CSNK1A1: variants seen among roughly 807,000 people sequenced by gnomAD.
CSNK1A1 encodes casein kinase I isoform alpha.
Under a neutral mutation model 46.1 loss-of-function variants are expected in CSNK1A1, and 7 were observed. That is an observed-to-expected ratio of 0.15 (90% confidence interval 0.09 to 0.29). CSNK1A1 has a LOEUF of 0.29. Ranked by LOEUF, CSNK1A1 falls within the 10% of genes least tolerant of loss-of-function variation. The pLI, the probability that CSNK1A1 is intolerant of heterozygous loss-of-function variation, is 1.00. For synonymous variants in CSNK1A1, 137 were observed against 141.5 expected, an observed-to-expected ratio of 0.97 and a Z score of 0.23; for missense variants, 96 against 417.1, an observed-to-expected ratio of 0.23 and a Z score of 6.71.
intron 2 of CSNK1A1, among the ~76,000 whole-genome samples, chr5:149,528,823 T>C (rs535142233): frequency 6.6e-6 from 1 of 152,358 alleles, no homozygotes; most frequent in South Asian, 2.1e-4. Context: ...TTATTTTTAT[T>C]TGAATAGCCT....
chr5:149,496,603 G>T lies in CSNK1A1; in HGVS notation c.*250C>A. ...AGTTAACTTTTCCACTTGAAAAAAT[G>T]CAATAGAAAACCGGACACCATGTTT... is the stretch of plus-strand genomic sequence containing the variant. On this transcript the variant is annotated 3_prime_UTR_variant, in exon 10 of 10. Transcript: ENST00000377843. 2.4e-6 allele frequency: 1 copy of T among 423,406 alleles called. No individual in the cohort carries two copies. Among genetic ancestry groups the T allele is most frequent in the Non-Finnish European group, 4.1e-6 (1 of 244,580 alleles). 26.2% of individuals were successfully genotyped at this position (423,406 alleles called of 1,614,324 possible).
At position 149,525,486 on chromosome 5, in the gene CSNK1A1, T is replaced by C. The variant is rs1160246681; in HGVS notation, c.231-315A>G. 1.3e-5 allele frequency among the ~76,000 whole-genome samples: 2 copies of C among 152,306 alleles called. No homozygotes were observed. The highest frequency in any genetic ancestry group is 3.9e-4 in the East Asian group (2 of 5,188). On this transcript the variant is annotated intron_variant, in intron 2 of 9. Coordinates refer to ENST00000377843, the MANE Select transcript of CSNK1A1 (RefSeq NM_001892.6). The surrounding 1 kb of genome is among the most constrained non-coding windows in gnomAD (Gnocchi z 4.2). ...ACTGATTCCTATGGCCTTTACCAAATTCCTTAATCTCACCTGAATTTACTT... is the reference window on the plus strand; with the variant it reads ...ACTGATTCCTATGGCCTTTACCAAACTCCTTAATCTCACCTGAATTTACTT...
chr5:149,512,569 G>A (rs557499943), intron 5 of CSNK1A1, among the ~76,000 whole-genome samples: 16 of 152,236 alleles, frequency 1.1e-4, no homozygotes, highest in African/African-American at 3.9e-4. Context: ...TAGGAAGAGA[G>A]CAGAGACTGT....
rs1760664272 is a variant in CSNK1A1, at chr5:149,496,744, T to C, written c.*109A>G. 6 of 1,445,084 alleles carry C rather than the reference T, an allele frequency of 4.2e-6. No individual in the cohort carries two copies. The highest frequency in any genetic ancestry group is 5.5e-6 in the Non-Finnish European group (6 of 1,082,336). 89.5% of individuals were successfully genotyped at this position (1,445,084 alleles called of 1,614,324 possible). On this transcript the variant is annotated 3_prime_UTR_variant, in exon 10 of 10. Transcript: ENST00000377843. ...AAGTTCTTTACACCAAGTAAATGGTTGTCCACAACCACTGGCTAGTGTACA... is the reference window on the plus strand; with the variant it reads ...AAGTTCTTTACACCAAGTAAATGGTCGTCCACAACCACTGGCTAGTGTACA...
chr5:149,542,592 T>TTTTATATA (rs1238655894), intron 2 of CSNK1A1, among the ~76,000 whole-genome samples: 2 of 26,706 alleles, frequency 7.5e-5, no homozygotes, highest in South Asian at 1.7e-3. Flanking sequence ...AGATACAAAT[T>TTTTATATA]TATATATATA....
rs1161034703 is a variant in CSNK1A1, at chr5:149,513,067, T to C, written c.596+3A>G. The C allele has an allele frequency of 6.2e-7, 1 of 1,613,252 alleles. No homozygotes were observed. The highest frequency in any genetic ancestry group is 1.1e-5 in the South Asian group (1 of 90,814). On this transcript the variant is annotated splice_donor_region_variant and intron_variant, in intron 5 of 9. Transcript: ENST00000377843. ...GATAAGCACATTCCATTTTCGAACT[T>C]ACCTCTGCTCAATACCAAGATGTGC...
intron 9 of CSNK1A1, chr5:149,504,600 C>T (rs1760968971): frequency 6.1e-6 from 6 of 985,282 alleles, no homozygotes; most frequent in Non-Finnish European, 7.2e-6. Flanking sequence ...AACAGTTCTA[C>T]TCCTTACAGG....
chr5:149,520,404 G>C lies in CSNK1A1; in HGVS notation c.358-16C>G. 1 of 1,440,242 alleles carries C rather than the reference G, an allele frequency of 6.9e-7. No individual in the cohort carries two copies. The highest frequency in any genetic ancestry group is 9.7e-7 in the Non-Finnish European group (1 of 1,028,060). 89.2% of individuals were successfully genotyped at this position (1,440,242 alleles called of 1,614,324 possible). Reference sequence around the variant, plus strand: ...TACTGATCATCTGGAAAAAAAAGAAGGGAGAGATAATTGAGTTAAGTAGTA... The same window carrying C: ...TACTGATCATCTGGAAAAAAAAGAACGGAGAGATAATTGAGTTAAGTAGTA... On this transcript the variant is annotated splice_polypyrimidine_tract_variant and intron_variant, in intron 3 of 9. Coordinates refer to ENST00000377843, the MANE Select transcript of CSNK1A1 (RefSeq NM_001892.6).
In CSNK1A1 at chr5:149,525,796, A is replaced by T. The variant is rs11167470; in HGVS notation, c.231-625T>A. Among the ~76,000 whole-genome samples the T allele has an allele frequency of 0.28, 42,666 of 152,082 alleles. 6,703 individuals are homozygous for T. Among genetic ancestry groups the T allele is most frequent in the East Asian group, 0.62 (3,198 of 5,158 alleles). Reference sequence around the variant, plus strand: ...AATGTGTCCCTAATAAGAAGTATCAACTGCCAATTTCATTTATCCCAAGGA... The same window carrying T: ...AATGTGTCCCTAATAAGAAGTATCATCTGCCAATTTCATTTATCCCAAGGA... On this transcript the variant is annotated intron_variant, in intron 2 of 9. Coordinates refer to ENST00000377843, the MANE Select transcript of CSNK1A1 (RefSeq NM_001892.6). The surrounding 1 kb of genome is among the most constrained non-coding windows in gnomAD (Gnocchi z 4.2).
intron 2 of CSNK1A1, among the ~76,000 whole-genome samples, chr5:149,537,232 C>A (rs1256450849): frequency 6.6e-6 from 1 of 151,932 alleles, no homozygotes; most frequent in East Asian, 1.9e-4. Flanking sequence ...AAAAATTAGC[C>A]GGGTGCAGTA....
chr5:149,537,634 C>T (rs1762099993), intron 2 of CSNK1A1, among the ~76,000 whole-genome samples: 1 of 151,372 alleles, frequency 6.6e-6, no homozygotes, highest in African/African-American at 2.4e-5. Flanking sequence ...GGTCCCCACT[C>T]CAGAATTGGT....
At chr5:149,542,043 C>A (rs888280393) in intron 2 of CSNK1A1, among the ~76,000 whole-genome samples, 2 of 149,426 alleles carry the variant, frequency 1.3e-5, no homozygotes, top group Non-Finnish European at 3.0e-5. Context: ...GATCCCTGGG[C>A]CACTGACCGG....
chr5:149,506,434 A>G (rs1342155761), intron 8 of CSNK1A1, among the ~76,000 whole-genome samples: 1 of 151,694 alleles, frequency 6.6e-6, no homozygotes, highest in Admixed American at 6.6e-5. Flanking sequence ...ATGGGGCTTC[A>G]CCATGTCGGG....
intron 7 of CSNK1A1, among the ~76,000 whole-genome samples, chr5:149,509,287 T>C (rs1481263486): frequency 1.3e-5 from 2 of 152,190 alleles, no homozygotes; most frequent in African/African-American, 2.4e-5. Flanking sequence ...ATAATAAAAA[T>C]GTAAATTTAA....
At chr5:149,547,996 G>A (rs572710883) in intron 2 of CSNK1A1, among the ~76,000 whole-genome samples, 85 of 151,826 alleles carry the variant, frequency 5.6e-4, no homozygotes, top group Non-Finnish European at 9.7e-4. Context: ...TCAGCCTCCC[G>A]AGTAGCTGGG....
intron 4 of CSNK1A1, among the ~76,000 whole-genome samples, chr5:149,514,235 C>T (rs976480666): frequency 6.6e-6 from 1 of 152,134 alleles, no homozygotes; most frequent in Non-Finnish European, 1.5e-5. Context: ...GTTATCATGT[C>T]TATATGGTAC....
intron 2 of CSNK1A1, among the ~76,000 whole-genome samples, chr5:149,530,624 AC>A (rs1056495994): frequency 6.6e-6 from 1 of 152,146 alleles, no homozygotes; most frequent in African/African-American, 2.4e-5. Context: ...ATCTTGCTGA[AC>A]CGTAAGAACT....
At chr5:149,520,991 T>A (rs111416523) in intron 3 of CSNK1A1, among the ~76,000 whole-genome samples, 1 of 152,192 alleles carries the variant, frequency 6.6e-6, no homozygotes, top group Non-Finnish European at 1.5e-5. Context: ...AGTCAAACGC[T>A]ATAGCTCAAA....
chr5:149,538,350 A>C (rs1042293440), intron 2 of CSNK1A1, among the ~76,000 whole-genome samples: 3 of 152,272 alleles, frequency 2.0e-5, no homozygotes, highest in African/African-American at 7.2e-5. Context: ...TGACTGGCAC[A>C]GGGTAGGTAC....
Sources: gnomAD v4.1 joint callset for allele counts (sites outside exome capture counted in the v4.1 genomes callset) on GRCh38, gnomAD v4.1.1 for gene constraint, Gnocchi (gnomAD v3.1) non-coding constraint, MANE v1.5 for transcripts, NCBI Gene and HGNC (gene_info 2026-07-23, HGNC 2026-07-21) for gene names.